Variants in TRIB3 observed in about 807,000 individuals in gnomAD.
TRIB3 encodes the protein tribbles pseudokinase 3, also known as tribbles homolog 3.
A neutral mutation model predicts 16.6 loss-of-function variants in TRIB3; 20 were observed. The ratio of observed to expected loss-of-function variants is 1.20; its 90% confidence interval spans 0.85 to 1.75. The LOEUF (loss-of-function observed/expected upper bound fraction) is 1.75. Among genes scored for constraint, TRIB3 ranks in the 40% most tolerant of loss-of-function variants. The pLI is 0.00. For synonymous variants in TRIB3, 208 were observed against 217.0 expected, an observed-to-expected ratio of 0.96 and a Z score of 0.36; for missense variants, 484 against 488.9, an observed-to-expected ratio of 0.99 and a Z score of 0.10.
chr20:391,582 G>C lies in TRIB3; in HGVS notation c.584+3G>C. ...TTTGTCTTCGCTGACCGTGAGAGGT[G>C]AGTGTGGTCTCAGAGACCCCAGCCA... On this transcript the variant is annotated splice_donor_region_variant and intron_variant, in intron 3 of 3. Coordinates refer to ENST00000217233, the MANE Select transcript of TRIB3 (RefSeq NM_021158.5). 6.2e-7 allele frequency: 1 copy of C among 1,603,680 alleles called. No individual in the cohort carries two copies. Among genetic ancestry groups the C allele is most frequent in the Non-Finnish European group, 8.5e-7 (1 of 1,173,486 alleles).
chr20:395,143 T>C (rs2015090832), intron 3 of TRIB3, among the ~76,000 whole-genome samples: 2 of 149,434 alleles, frequency 1.3e-5, no homozygotes, highest in South Asian at 4.2e-4. Context: ...AAAGTAGAAA[T>C]TGCAAATGGC....
chr20:383,162 T>C (rs998776026), intron 1 of TRIB3, among the ~76,000 whole-genome samples: 1 of 152,224 alleles, frequency 6.6e-6, no homozygotes, highest in African/African-American at 2.4e-5. Flanking sequence ...GCGTGAATGG[T>C]GGCTTTCCTT....
At position 391,150 on chromosome 20, in the gene TRIB3, G is replaced by A; in HGVS notation, c.292-137G>A. ...ACCTTATAGGACCATGGTCAGGGCT[G>A]AGTGACTCGGTCAGTGAAGCGCTTG... On this transcript the variant is annotated intron_variant, in intron 2 of 3. Coordinates refer to ENST00000217233, the MANE Select transcript of TRIB3 (RefSeq NM_021158.5). 4.2e-6 allele frequency: 4 copies of A among 959,820 alleles called. No homozygotes were observed. In the South Asian group the frequency reaches 6.0e-5, roughly 15 times the overall value. 59.5% of individuals were successfully genotyped at this position (959,820 alleles called of 1,614,324 possible). A position where few individuals can be genotyped will look rare whatever the true frequency, so the allele number is the denominator to read the frequency against.
chr20:386,462 G>A (rs1410848174), intron 1 of TRIB3, among the ~76,000 whole-genome samples: 6 of 152,146 alleles, frequency 3.9e-5, no homozygotes, highest in African/African-American at 9.7e-5. Context: ...AGGCTGGAGT[G>A]TAGTGGCACA....
intron 3 of TRIB3, among the ~76,000 whole-genome samples, chr20:395,381 G>C (rs755051235): frequency 2.6e-5 from 4 of 151,828 alleles, no homozygotes; most frequent in Non-Finnish European, 5.9e-5. Flanking sequence ...GGCTGGTCTT[G>C]AACTCCTGAA....
chr20:384,191 G>A (rs1032096516), intron 1 of TRIB3, among the ~76,000 whole-genome samples: 4 of 152,028 alleles, frequency 2.6e-5, no homozygotes, highest in African/African-American at 4.8e-5. Context: ...TCACTGCCCC[G>A]TCTTGTACTT....
intron 2 of TRIB3, among the ~76,000 whole-genome samples, chr20:390,247 G>A (rs1256470331): frequency 1.3e-5 from 2 of 152,064 alleles, no homozygotes; most frequent in Admixed American, 1.3e-4. Flanking sequence ...AGAATCTCTT[G>A]AACCTGGGAG....
At chr20:394,369 A>G (rs1354452203) in intron 3 of TRIB3, among the ~76,000 whole-genome samples, 1 of 152,176 alleles carries the variant, frequency 6.6e-6, no homozygotes, top group Non-Finnish European at 1.5e-5. Flanking sequence ...TAGAACAAGC[A>G]TGCCTTTTTT....
rs1343840941 is a variant in TRIB3, at chr20:388,042, G to A, written c.32G>A (p.Gly11Asp). The change falls in exon 2 of 4, where the codon GGT becomes GAT. Residue 11 changes from glycine to aspartate, a missense_variant. Coordinates refer to ENST00000217233, the MANE Select transcript of TRIB3 (RefSeq NM_021158.5). ...GCCACCCCTCTGGCTGCTCCTGCGG[G>A]TTCCCTGTCCAGGAAGAAGCGGTTG... is the stretch of plus-strand genomic sequence containing the variant. MRATPLAAPA[G>D]SLSRKKRLEL... 1 of 1,613,986 alleles carries A rather than the reference G, an allele frequency of 6.2e-7. No individual in the cohort carries two copies. Among genetic ancestry groups the A allele is most frequent in the Non-Finnish European group, 8.5e-7 (1 of 1,179,910 alleles).
rs565312021 is a variant in TRIB3, at chr20:387,256, T to A, written c.1-755T>A. 5.9e-5 allele frequency among the ~76,000 whole-genome samples: 9 copies of A among 152,200 alleles called. No homozygotes were observed. The South Asian group carries it at 1.7e-3, about 28-fold the overall frequency. On this transcript the variant is annotated intron_variant, in intron 1 of 3. Coordinates refer to ENST00000217233, the MANE Select transcript of TRIB3 (RefSeq NM_021158.5). The stretch of plus-strand genomic sequence containing the variant: ...CAGGCATCATAGTGCACACCTGTAG[T>A]CCCAGCTACTTGGGAGGCTGAGGTG...
intron 3 of TRIB3, among the ~76,000 whole-genome samples, chr20:394,983 TC>T (rs1051975806): frequency 1.3e-5 from 2 of 151,932 alleles, no homozygotes; most frequent in Admixed American, 6.6e-5. Context: ...ACACCCCTTG[TC>T]CCCCAATACT....
At chr20:395,615 A>T (rs1485920962) in intron 3 of TRIB3, among the ~76,000 whole-genome samples, 1 of 152,112 alleles carries the variant, frequency 6.6e-6, no homozygotes, top group Non-Finnish European at 1.5e-5. Context: ...GGGAACTGCG[A>T]GGGTGGGTCA....
intron 2 of TRIB3, among the ~76,000 whole-genome samples, chr20:390,363 C>T (rs1451667123): frequency 1.3e-5 from 2 of 152,122 alleles, no homozygotes; most frequent in African/African-American, 4.8e-5. Flanking sequence ...AACCCTTATT[C>T]CAGCATCTTT....
Position 397,518 on chromosome 20 carries a change from T to G in TRIB3, c.*828T>G, listed in dbSNP as rs1458679871. ...CTCTAGGTTTTGGATACCATGAGTA[T>G]GTATGTTTACCTGTGCCTAATAAAG... On this transcript the variant is annotated 3_prime_UTR_variant, in exon 4 of 4. Coordinates refer to ENST00000217233, the MANE Select transcript of TRIB3 (RefSeq NM_021158.5). 6.6e-6 allele frequency: 1 copy of G among 152,210 alleles called. No homozygotes were observed. The highest frequency in any genetic ancestry group is 1.5e-5 in the Non-Finnish European group (1 of 68,046). 9.4% of individuals were successfully genotyped at this position (152,210 alleles called of 1,614,324 possible).
intron 1 of TRIB3, chr20:385,372 C>G (rs2122666612): frequency 1.3e-5 from 2 of 149,398 alleles, no homozygotes; most frequent in Middle Eastern, 7.1e-3. Flanking sequence ...CTCGGCCTCC[C>G]AAAGTGCTGG....
At chr20:382,583 T>C in intron 1 of TRIB3, 1 of 1,535,516 alleles carries the variant, frequency 6.5e-7, no homozygotes, top group Non-Finnish European at 8.7e-7. Context: ...AATAACAGGA[T>C]GAGTGCTAAT....
At chr20:382,683 G>A (rs559302237) in intron 1 of TRIB3, 6 of 1,143,886 alleles carry the variant, frequency 5.2e-6, no homozygotes, top group Non-Finnish European at 7.6e-6. Context: ...CGAAAAACCT[G>A]TAAGCTTTGC....
chr20:396,469 G>GC lies in TRIB3; in HGVS notation c.860dup (p.Ala288CysfsTer15), dbSNP rs764304904. The GC allele has an allele frequency of 6.2e-7, 1 of 1,612,772 alleles. No homozygotes were observed. Among genetic ancestry groups the GC allele is most frequent in the Non-Finnish European group, 8.5e-7 (1 of 1,179,982 alleles). On this transcript the variant is annotated frameshift_variant, in exon 4 of 4. Coordinates refer to ENST00000217233, the MANE Select transcript of TRIB3 (RefSeq NM_021158.5). LOFTEE classifies it low-confidence loss of function (END_TRUNC). ...CTACGCCTTGCCTGCAGGCCTCTCG[G>GC]CCCCTGCCCGCTGTCTGGTTCGCTG...
intron 3 of TRIB3, among the ~76,000 whole-genome samples, chr20:392,767 A>C (rs1384385849): frequency 6.6e-6 from 1 of 152,142 alleles, no homozygotes. Context: ...CATGTTGGCC[A>C]GGCTGGTCTT....
Sources: allele counts gnomAD v4.1 joint callset (sites outside exome capture counted in the v4.1 genomes callset), GRCh38; gene constraint gnomAD v4.1.1; transcripts MANE v1.5; gene names NCBI Gene and HGNC (gene_info 2026-07-23, HGNC 2026-07-21).